The following FTO variants were observed in gnomAD, a reference collection of about 807,000 sequenced individuals.
FTO encodes the protein FTO alpha-ketoglutarate dependent dioxygenase.
In FTO, 47 loss-of-function variants were observed where a neutral mutation model predicts 63.9. The ratio of observed to expected loss-of-function variants is 0.74; its 90% CI spans 0.58 to 0.94. FTO has a LOEUF of 0.94. FTO is among the 40% of genes least tolerant of loss of function. The pLI is 0.00. For missense variants in FTO, 562 were observed against 618.1 expected, an observed-to-expected ratio of 0.91 and a Z score of 0.96; for synonymous variants, 207 against 224.4, an observed-to-expected ratio of 0.92 and a Z score of 0.69.
chr16:53,866,691 A>T (rs551515797), intron 4 of FTO, among the ~76,000 whole-genome samples: 2 of 152,078 alleles, frequency 1.3e-5, no homozygotes, highest in African/African-American at 4.8e-5. Context: ...TATCCTTTTA[A>T]TGTCCATGGG....
intron 8 of FTO, among the ~76,000 whole-genome samples, chr16:54,106,988 T>C (rs2144618142): frequency 6.9e-6 from 1 of 145,308 alleles, no homozygotes; most frequent in African/African-American, 2.5e-5. Context: ...ATTTGTATTA[T>C]AAATTCACAT....
rs143174346 is a variant in FTO, at chr16:54,102,049, G to C, written c.1365-9713G>C. ...ACATTTGTTTAAGTTCTTTATAGAT[G>C]CTGGATATTAGACCTTTGTCAGATG... On this transcript the variant is annotated intron_variant, in intron 8 of 8. Coordinates refer to ENST00000471389, the MANE Select transcript of FTO (RefSeq NM_001080432.3). Among the ~76,000 whole-genome samples, 378 of 152,218 alleles carry C rather than the reference G, an allele frequency of 2.5e-3. 3 individuals carry two copies. Among genetic ancestry groups the C allele is most frequent in the Admixed American group, 0.013 (195 of 15,280 alleles).
chr16:53,792,075 C>CAAA (rs10606857), intron 1 of FTO, among the ~76,000 whole-genome samples: 1 of 138,596 alleles, frequency 7.2e-6, no homozygotes, highest in Non-Finnish European at 1.6e-5. Context: ...GACTTCGTCT[C>CAAA]AAAAAAAAAA....
intron 7 of FTO, among the ~76,000 whole-genome samples, chr16:53,907,147 T>TA (rs565567443): frequency 3.3e-5 from 5 of 152,170 alleles, no homozygotes; most frequent in Admixed American, 6.5e-5. Context: ...CTCCTCAACT[T>TA]ACGATGGGTC....
chr16:54,040,206 C>T (rs1467910071), intron 8 of FTO: 2 of 152,176 alleles, frequency 1.3e-5, no homozygotes, highest in Non-Finnish European at 2.9e-5. Context: ...TTTCTTTCCA[C>T]TAATAAAGAT....
At chr16:53,745,064 G>A (rs2076618899) in intron 1 of FTO, among the ~76,000 whole-genome samples, 1 of 152,154 alleles carries the variant, frequency 6.6e-6, no homozygotes, top group Admixed American at 6.6e-5. Context: ...TAGCTTGGAG[G>A]TGATTTAAAA....
At chr16:54,089,567 C>T (rs140124735) in intron 8 of FTO, among the ~76,000 whole-genome samples, 262 of 152,188 alleles carry the variant, frequency 1.7e-3, no homozygotes, top group Non-Finnish European at 2.9e-3. Flanking sequence ...AACTCTTATG[C>T]ATCAAGAATG....
At chr16:54,107,460 C>G (rs994230542) in intron 8 of FTO, among the ~76,000 whole-genome samples, 1 of 152,196 alleles carries the variant, frequency 6.6e-6, no homozygotes, top group Non-Finnish European at 1.5e-5. Flanking sequence ...CCAGCATTCT[C>G]TTGTTTTCTG....
intron 8 of FTO, chr16:54,071,212 A>G (rs2085859273): frequency 6.6e-6 from 1 of 152,240 alleles, no homozygotes; most frequent in African/African-American, 2.4e-5. Context: ...CAGAAGGGTG[A>G]GGATGAGTTG....
chr16:54,081,921 G>A (rs9924651), intron 8 of FTO, among the ~76,000 whole-genome samples: 3,834 of 152,290 alleles, frequency 0.025, 145 homozygotes, highest in African/African-American at 0.086. Context: ...AAGGACGTAA[G>A]TGAGTTCGTT....
At chr16:53,985,062 T>A (rs2083634762) in intron 8 of FTO, 1 of 448,720 alleles carries the variant, frequency 2.2e-6, no homozygotes, top group Admixed American at 2.4e-5. Context: ...GCAAGAGTGG[T>A]ACAAGGTTAC....
At chr16:53,894,033 T>G (rs2081218533) in intron 7 of FTO, among the ~76,000 whole-genome samples, 1 of 152,210 alleles carries the variant, frequency 6.6e-6, no homozygotes, top group South Asian at 2.1e-4. Flanking sequence ...TTTAATTCTA[T>G]CCATTTATGT....
chr16:53,979,421 C>T lies in FTO; in HGVS notation c.1364+45312C>T, dbSNP rs1176711115. 1.0e-5 allele frequency: 4 copies of T among 398,566 alleles called. No homozygotes were observed. In the East Asian group the frequency reaches 1.4e-4, roughly 14 times the overall value. The allele number at this position is 398,566 out of a possible 1,614,324, so 24.7% of individuals were successfully genotyped here. A position where few individuals can be genotyped will look rare whatever the true frequency, so the allele number is the denominator to read the frequency against. ...TCAAGAGAGAATGCCTCTCCCATCT[C>T]AAGTTTGGCAGCATGGAATATTACA... On this transcript the variant is annotated intron_variant, in intron 8 of 8. Transcript: ENST00000471389.
At chr16:53,959,196 G>A (rs965080180) in intron 8 of FTO, among the ~76,000 whole-genome samples, 4 of 152,316 alleles carry the variant, frequency 2.6e-5, no homozygotes, top group Non-Finnish European at 4.4e-5. Flanking sequence ...GCACAAGGCT[G>A]GGAGGCAGGG....
intron 6 of FTO, among the ~76,000 whole-genome samples, chr16:53,888,566 C>T (rs953784714): frequency 2.6e-5 from 4 of 152,192 alleles, no homozygotes; most frequent in East Asian, 3.9e-4. Flanking sequence ...GAGATCCTCA[C>T]GTCTCAGCCT....
intron 1 of FTO, among the ~76,000 whole-genome samples, chr16:53,774,211 G>A (rs137876172): frequency 2.3e-3 from 349 of 152,242 alleles, no homozygotes; most frequent in Non-Finnish European, 1.7e-3. Flanking sequence ...ACTGTTTGCC[G>A]TCTCTGTGCT....
Position 53,844,294 on chromosome 16 carries a change from G to A in FTO, c.891G>A (p.Met297Ile), listed in dbSNP as rs1273047834. The part of the protein sequence containing the change: ...IPLHQGDCYF[M>I]LDDLNATHQH... ...TTCACCAAGGAGACTGCTATTTCAT[G>A]CTTGGTAATCTTTGGAAAATCAAAA... The change falls in exon 4 of 9, where the codon ATG (methionine) becomes ATA (isoleucine). Residue 297 changes from methionine (M) to isoleucine (I), a missense_variant. Coordinates refer to ENST00000471389, the MANE Select transcript of FTO (RefSeq NM_001080432.3). 3 of 1,612,324 alleles carry A rather than the reference G, an allele frequency of 1.9e-6. No homozygotes were observed. The highest frequency in any genetic ancestry group is 2.5e-6 in the Non-Finnish European group (3 of 1,178,578).
At chr16:53,851,273 C>A (rs1362999826) in intron 4 of FTO, among the ~76,000 whole-genome samples, 1 of 143,614 alleles carries the variant, frequency 7.0e-6, no homozygotes, top group Non-Finnish European at 1.5e-5. Context: ...CATGGTGATA[C>A]CCCACCTCTA....
intron 8 of FTO, among the ~76,000 whole-genome samples, chr16:54,064,721 C>T (rs1335734555): frequency 2.0e-5 from 3 of 152,064 alleles, no homozygotes; most frequent in Non-Finnish European, 4.4e-5. Flanking sequence ...GCCAAGAACA[C>T]GTTGGTAATG....
Sources: gnomAD v4.1 joint callset for allele counts (sites outside exome capture counted in the v4.1 genomes callset) on GRCh38, gnomAD v4.1.1 for gene constraint, MANE v1.5 for transcripts, NCBI Gene and HGNC (gene_info 2026-07-23, HGNC 2026-07-21) for gene names.